The following LINGO2 variants were observed in gnomAD, a reference collection of about 807,000 sequenced individuals.
LINGO2 encodes leucine-rich repeat and immunoglobulin-like domain-containing nogo receptor-interacting protein 2.
In LINGO2, 14 loss-of-function variants were observed where a neutral mutation model predicts 30.6. The ratio of observed to expected loss-of-function variants is 0.46; its 90% CI spans 0.30 to 0.72. The LOEUF (loss-of-function observed/expected upper bound fraction) is 0.72. Among genes scored for constraint, LINGO2 ranks in the 30% least tolerant of loss-of-function variants. The pLI is 0.07. For synonymous variants in LINGO2, 317 were observed against 288.5 expected (o/e 1.10, Z -1.00); for missense variants, 729 against 751.7 (o/e 0.97, Z 0.35).
intron 1 of LINGO2, among the ~76,000 whole-genome samples, chr9:28,601,019 G>A (rs1451402287): frequency 6.6e-6 from 1 of 151,942 alleles, no homozygotes; most frequent in African/African-American, 2.4e-5. Context: ...TTTTTTCTCT[G>A]TAAACAGATC....
chr9:29,168,969 T>C, the LINGO2 span, among the ~76,000 whole-genome samples: 1 of 152,172 alleles, frequency 6.6e-6, no homozygotes, highest in Non-Finnish European at 1.5e-5. Flanking sequence ...TTTTGTTTCA[T>C]TTTTGAGACG....
chr9:28,206,898 G>A (rs898565207), intron 4 of LINGO2, among the ~76,000 whole-genome samples: 16 of 151,958 alleles, frequency 1.1e-4, no homozygotes, highest in African/African-American at 3.4e-4. Context: ...CTGCACAGTT[G>A]GATAGTTTTT....
At chr9:28,014,406 CAGA>C (rs924994191) in intron 4 of LINGO2, among the ~76,000 whole-genome samples, 1 of 152,072 alleles carries the variant, frequency 6.6e-6, no homozygotes, top group Non-Finnish European at 1.5e-5. Context: ...GATTAGAAAA[CAGA>C]AGAATAAGAA....
the LINGO2 span, among the ~76,000 whole-genome samples, chr9:29,176,336 C>G: frequency 6.6e-6 from 1 of 152,146 alleles, no homozygotes; most frequent in Non-Finnish European, 1.5e-5. Context: ...TTTGTTGAGA[C>G]TAAAATTGAG....
intron 4 of LINGO2, among the ~76,000 whole-genome samples, chr9:28,055,332 G>A (rs1405790915): frequency 1.3e-5 from 2 of 152,106 alleles, no homozygotes; most frequent in Non-Finnish European, 2.9e-5. Flanking sequence ...AACAGGTACA[G>A]GTGGATGGAA....
intron 5 of LINGO2, among the ~76,000 whole-genome samples, chr9:27,966,153 AC>A (rs1423894360): frequency 2.0e-5 from 3 of 151,876 alleles, no homozygotes; most frequent in Non-Finnish European, 4.4e-5. Context: ...AGTACTGAAA[AC>A]CCTTTTTGAT....
chr9:28,153,592 T>C (rs908156473), intron 4 of LINGO2, among the ~76,000 whole-genome samples: 2 of 152,232 alleles, frequency 1.3e-5, no homozygotes, highest in African/African-American at 2.4e-5. Flanking sequence ...CTCTTCAACA[T>C]TTGACCAAAG....
chr9:28,847,142 G>A, the LINGO2 span, among the ~76,000 whole-genome samples: 1 of 148,224 alleles, frequency 6.7e-6, no homozygotes, highest in Non-Finnish European at 1.5e-5. Flanking sequence ...TGGCTGTTGA[G>A]CAATGATGCA....
At chr9:29,124,738 G>T in the LINGO2 span, among the ~76,000 whole-genome samples, 1 of 152,028 alleles carries the variant, frequency 6.6e-6, no homozygotes. Context: ...TTAGAATGGC[G>T]ATCATTAAAA....
chr9:28,446,667 C>A (rs1564204446), intron 2 of LINGO2, among the ~76,000 whole-genome samples: 1 of 152,204 alleles, frequency 6.6e-6, no homozygotes, highest in Non-Finnish European at 1.5e-5. Flanking sequence ...TCTGCAAAAG[C>A]CTTCAAACTG....
chr9:28,840,574 C>G, the LINGO2 span, among the ~76,000 whole-genome samples: 13,656 of 151,808 alleles, frequency 0.09, 777 homozygotes, highest in Middle Eastern at 0.13. Context: ...ATAGAAGCTA[C>G]AGCTTCAGTG....
intron 2 of LINGO2, among the ~76,000 whole-genome samples, chr9:28,465,248 T>G (rs938231080): frequency 2.0e-5 from 3 of 152,154 alleles, no homozygotes; most frequent in Admixed American, 2.0e-4. Flanking sequence ...ATGGTGAACA[T>G]AGAAATTTTA....
the LINGO2 span, among the ~76,000 whole-genome samples, chr9:29,154,874 TC>T: frequency 6.6e-6 from 1 of 152,162 alleles, no homozygotes; most frequent in African/African-American, 2.4e-5. Context: ...TACTGTCTCC[TC>T]TAGTACAAAA....
the LINGO2 span, among the ~76,000 whole-genome samples, chr9:28,869,666 G>C: frequency 6.6e-6 from 1 of 152,106 alleles, no homozygotes; most frequent in African/African-American, 2.4e-5. Context: ...GAAATGGCTA[G>C]TCCCTGTCTT....
the LINGO2 span, among the ~76,000 whole-genome samples, chr9:29,104,750 C>G: frequency 1.3e-5 from 2 of 152,114 alleles, no homozygotes; most frequent in African/African-American, 4.8e-5. Context: ...GATTAGTACT[C>G]TACATCTTAA....
At chr9:28,425,370 G>T (rs1823367205) in intron 2 of LINGO2, among the ~76,000 whole-genome samples, 1 of 148,912 alleles carries the variant, frequency 6.7e-6, no homozygotes, top group Non-Finnish European at 1.5e-5. Flanking sequence ...CACATATATT[G>T]GCTCAATTAT....
chr9:28,698,540 G>T, the LINGO2 span, among the ~76,000 whole-genome samples: 2 of 151,900 alleles, frequency 1.3e-5, no homozygotes, highest in Non-Finnish European at 2.9e-5. Flanking sequence ...CAATTTCTAG[G>T]TATGAATACT....
In LINGO2 at chr9:28,368,886, G is replaced by T. The variant is rs143768597; in HGVS notation, c.-246+3950C>A. 5.8e-3 allele frequency among the ~76,000 whole-genome samples: 877 copies of T among 152,006 alleles called. 7 individuals carry two copies. Among genetic ancestry groups the T allele is most frequent in the African/African-American group, 0.02 (844 of 41,488 alleles). On this transcript the variant is annotated intron_variant, in intron 3 of 5. Transcript: ENST00000379992. ...GCTGGGATTACAGGCGTGAGCCACC[G>T]TGCCCAGCCTAGAGTGCCTTCTTTC...
chr9:27,971,451 G>C (rs1820351762), intron 5 of LINGO2, among the ~76,000 whole-genome samples: 1 of 152,084 alleles, frequency 6.6e-6, no homozygotes, highest in African/African-American at 2.4e-5. Flanking sequence ...GCCATGATCT[G>C]GACTTGCTGC....
Sources: allele counts gnomAD v4.1 joint callset (sites outside exome capture counted in the v4.1 genomes callset), GRCh38; gene constraint gnomAD v4.1.1; transcripts MANE v1.5; gene names NCBI Gene and HGNC (gene_info 2026-07-23, HGNC 2026-07-21).